WWC1: variants seen among roughly 807,000 people sequenced by gnomAD.
WWC1 encodes the protein protein KIBRA.
WWC1 carries 55 observed loss-of-function variants against 138.4 expected under a neutral mutation model. The ratio of observed to expected loss-of-function variants is 0.40; its 90% CI spans 0.32 to 0.50. WWC1 has a LOEUF of 0.50. Among genes scored for constraint, WWC1 ranks in the 20% least tolerant of loss-of-function variants. The pLI is 0.72. For missense variants in WWC1, 1,226 were observed against 1,420.4 expected, an observed-to-expected ratio of 0.86 and a Z score of 2.20; for synonymous variants, 524 against 564.9, an observed-to-expected ratio of 0.93 and a Z score of 1.03.
At chr5:168,350,403 T>C (rs1057103682) in intron 1 of WWC1, among the ~76,000 whole-genome samples, 1 of 152,182 alleles carries the variant, frequency 6.6e-6, no homozygotes, top group Non-Finnish European at 1.5e-5. Flanking sequence ...TGCAATGCTG[T>C]CACCAAAAGA....
chr5:168,312,447 C>T (rs1771196245), intron 1 of WWC1, among the ~76,000 whole-genome samples: 1 of 152,218 alleles, frequency 6.6e-6, no homozygotes, highest in South Asian at 2.1e-4. Context: ...TTGTCTGGCT[C>T]CAGAGCTTGT....
At chr5:168,344,654 C>A (rs946874345) in intron 1 of WWC1, among the ~76,000 whole-genome samples, 2 of 152,220 alleles carry the variant, frequency 1.3e-5, no homozygotes, top group Non-Finnish European at 2.9e-5. Context: ...ATCTCTGAAG[C>A]AGGTGCTCTT....
In WWC1 at chr5:168,367,830, A is replaced by G. The variant is rs73801901; in HGVS notation, c.120-3594A>G. ...TTAGCCCTTATTCAACATTTTAGTTATGATTAATATATGAACACAACAAAT... is the reference window on the plus strand; with the variant it reads ...TTAGCCCTTATTCAACATTTTAGTTGTGATTAATATATGAACACAACAAAT... On this transcript the variant is annotated intron_variant, in intron 1 of 22. Coordinates refer to ENST00000265293, the MANE Select transcript of WWC1 (RefSeq NM_015238.3). Among the ~76,000 whole-genome samples the G allele has an allele frequency of 4.8e-3, 737 of 152,286 alleles. 5 individuals are homozygous for G. Among genetic ancestry groups the G allele is most frequent in the African/African-American group, 0.017 (715 of 41,548 alleles).
chr5:168,455,575 A>G, intron 19 of WWC1, 55 bp downstream of exon 19: 1 of 1,586,514 alleles, frequency 6.3e-7, no homozygotes, highest in Non-Finnish European at 8.6e-7. Flanking sequence ...AGAGCTTCAC[A>G]CAGGGCTGGG....
chr5:168,396,777 G>T (rs1302712391), intron 3 of WWC1, among the ~76,000 whole-genome samples: 1 of 152,020 alleles, frequency 6.6e-6, no homozygotes, highest in Admixed American at 6.6e-5. Context: ...CCTTTTTCAA[G>T]ACATTAGTAA....
chr5:168,308,919 G>A (rs1265689659), intron 1 of WWC1, among the ~76,000 whole-genome samples: 1 of 152,094 alleles, frequency 6.6e-6, no homozygotes, highest in Non-Finnish European at 1.5e-5. Context: ...CCAAGAAGAA[G>A]TCTTCAATCT....
chr5:168,378,644 T>C (rs1777402041), intron 2 of WWC1, among the ~76,000 whole-genome samples: 1 of 152,200 alleles, frequency 6.6e-6, no homozygotes, highest in African/African-American at 2.4e-5. Context: ...TAGTATATAT[T>C]GCTAGATTGG....
At chr5:168,418,507 T>C (rs556694146) in intron 9 of WWC1, among the ~76,000 whole-genome samples, 4 of 152,290 alleles carry the variant, frequency 2.6e-5, no homozygotes, top group South Asian at 4.1e-4. Flanking sequence ...GTTCTTGGCC[T>C]CCCAGCGTGT....
chr5:168,295,417 A>AG (rs1427220248), intron 1 of WWC1, among the ~76,000 whole-genome samples: 3 of 152,026 alleles, frequency 2.0e-5, no homozygotes, highest in Non-Finnish European at 4.4e-5. Context: ...AATTCTGCCA[A>AG]GGTAGTTATA....
In WWC1 at chr5:168,389,462, AAAAG is replaced by A. The variant is rs1166516796; in HGVS notation, c.433+4056_433+4059del. Among the ~76,000 whole-genome samples, 763 of 151,166 alleles carry A rather than the reference AAAAG, an allele frequency of 5.0e-3. 3 individuals are homozygous for A. The highest frequency in any genetic ancestry group is 0.017 in the African/African-American group (685 of 41,030). On this transcript the variant is annotated intron_variant, in intron 3 of 22. Transcript: ENST00000265293. ...CAAGACTCCATCTCAAAAAAAAAAA[AAAAG>A]AAAGAAAAAAAAGAAGCACTGTAGT...
chr5:168,310,681 A>G (rs374469302), intron 1 of WWC1, among the ~76,000 whole-genome samples: 1 of 151,924 alleles, frequency 6.6e-6, no homozygotes. Context: ...ACAAAAAATA[A>G]AAGAATTAGC....
chr5:168,307,103 G>T (rs1026996114), intron 1 of WWC1, among the ~76,000 whole-genome samples: 6 of 152,206 alleles, frequency 3.9e-5, no homozygotes, highest in African/African-American at 1.4e-4. Context: ...CCAAGCTCTG[G>T]GCTGTGTGCT....
chr5:168,458,029 G>A (rs986231963), intron 19 of WWC1, among the ~76,000 whole-genome samples: 2 of 152,200 alleles, frequency 1.3e-5, no homozygotes, highest in Non-Finnish European at 2.9e-5. Flanking sequence ...TGCAAGGGAG[G>A]CAGTAGAAGC....
chr5:168,360,252 A>T (rs1002378885), intron 1 of WWC1, among the ~76,000 whole-genome samples: 5 of 152,184 alleles, frequency 3.3e-5, no homozygotes, highest in Non-Finnish European at 5.9e-5. Flanking sequence ...AGTTTCAGAA[A>T]ATGCTGAATG....
intron 1 of WWC1, among the ~76,000 whole-genome samples, chr5:168,345,376 G>A (rs992703738): frequency 6.6e-6 from 1 of 152,110 alleles, no homozygotes; most frequent in Non-Finnish European, 1.5e-5. Flanking sequence ...GGATTACAGG[G>A]GTGAGCTACC....
chr5:168,293,023 G>A (rs1769204307), intron 1 of WWC1, among the ~76,000 whole-genome samples: 1 of 152,196 alleles, frequency 6.6e-6, no homozygotes, highest in South Asian at 2.1e-4. Context: ...TCCCTGATCG[G>A]GGAAGGGGGC....
At chr5:168,414,884 AC>A (rs67660370) in intron 9 of WWC1, 175,494 of 355,784 alleles carry the variant, frequency 0.49, 46,457 homozygotes, top group East Asian at 0.8. Context: ...ACTCTATATA[AC>A]TTAAAGCAGT....
chr5:168,445,216 A>G (rs1393666384), intron 17 of WWC1, among the ~76,000 whole-genome samples: 1 of 152,120 alleles, frequency 6.6e-6, no homozygotes, highest in Non-Finnish European at 1.5e-5. Context: ...CAGGAGGGTG[A>G]GGCAGGAAAA....
chr5:168,430,987 A>G (rs1185735647), intron 14 of WWC1, among the ~76,000 whole-genome samples: 1 of 152,236 alleles, frequency 6.6e-6, no homozygotes. Context: ...AGCCTCCTCC[A>G]TAGCTCACTG....
Sources: allele counts gnomAD v4.1 joint callset (sites outside exome capture counted in the v4.1 genomes callset), GRCh38; gene constraint gnomAD v4.1.1; transcripts MANE v1.5; gene names NCBI Gene and HGNC (gene_info 2026-07-23, HGNC 2026-07-21).